Variants in DOCK3 observed in about 807,000 individuals in gnomAD.
DOCK3 encodes dedicator of cytokinesis protein 3.
DOCK3 carries 60 observed loss-of-function variants against 265.6 expected under a neutral mutation model. The observed-to-expected ratio is 0.23, with a 90% CI of 0.18 to 0.28. DOCK3 has a LOEUF of 0.28. DOCK3 is among the 10% of genes least tolerant of loss of function. The probability of loss-of-function intolerance (pLI) is 1.00; values close to 1 mark genes in which losing one functional copy is unlikely to be tolerated. For missense variants in DOCK3, 1,981 were observed against 2,594.3 expected, an observed-to-expected ratio of 0.76 and a Z score of 5.14; for synonymous variants, 881 against 938.0, an observed-to-expected ratio of 0.94 and a Z score of 1.11.
chr3:51,217,253 C>G (rs2089841027), intron 14 of DOCK3, among the ~76,000 whole-genome samples: 1 of 151,868 alleles, frequency 6.6e-6, no homozygotes, highest in African/African-American at 2.4e-5. Context: ...ACACCAGTAG[C>G]TAACATATGA....
chr3:51,296,338 AAG>A (rs2082076833), intron 27 of DOCK3, among the ~76,000 whole-genome samples: 1 of 152,226 alleles, frequency 6.6e-6, no homozygotes, highest in South Asian at 2.1e-4. Context: ...AACCTGGAAA[AAG>A]AACAAAATTG....
intron 2 of DOCK3, among the ~76,000 whole-genome samples, chr3:50,784,923 A>G (rs1446629931): frequency 6.6e-6 from 1 of 152,156 alleles, no homozygotes; most frequent in Non-Finnish European, 1.5e-5. Context: ...TTGGGAAGCC[A>G]AGGCGGGCAG....
rs201510547 is a variant in DOCK3, at chr3:51,090,183, A to C, written c.592-47A>C. The stretch of plus-strand genomic sequence containing the variant: ...TTTCCACTTTTTAATGATCAATATA[A>C]AAAATAACTAAAATAAAAATCACTG... On this transcript the variant is annotated intron_variant, in intron 8 of 52. Coordinates refer to ENST00000266037, the MANE Select transcript of DOCK3 (RefSeq NM_004947.5). The C allele has an allele frequency of 1.3e-4, 190 of 1,508,772 alleles. No homozygotes were observed. The African/African-American group carries it at 2.6e-3, about 21-fold the overall frequency. 93.5% of individuals were successfully genotyped at this position (1,508,772 alleles called of 1,614,324 possible).
At chr3:51,201,911 C>G (rs2088803241) in intron 12 of DOCK3, among the ~76,000 whole-genome samples, 1 of 152,104 alleles carries the variant, frequency 6.6e-6, no homozygotes, top group Non-Finnish European at 1.5e-5. Context: ...ACAACCTGCT[C>G]CTGAATGACT....
intron 3 of DOCK3, among the ~76,000 whole-genome samples, chr3:50,867,191 T>G (rs1468300153): frequency 6.6e-6 from 1 of 152,198 alleles, no homozygotes; most frequent in African/African-American, 2.4e-5. Context: ...GTGGTTATTG[T>G]AAAGAAAATT....
chr3:51,333,421 C>G (rs2084659848), intron 35 of DOCK3, among the ~76,000 whole-genome samples, 168 bp downstream of exon 35: 1 of 152,164 alleles, frequency 6.6e-6, no homozygotes, highest in Non-Finnish European at 1.5e-5. Context: ...CAAGGAGAGA[C>G]AGAGACTTTT....
chr3:51,268,089 A>T (rs1427566729), intron 23 of DOCK3, among the ~76,000 whole-genome samples: 1 of 152,178 alleles, frequency 6.6e-6, no homozygotes, highest in East Asian at 1.9e-4. Flanking sequence ...GTGTATACTT[A>T]TGTAACAAAC....
intron 1 of DOCK3, among the ~76,000 whole-genome samples, chr3:50,697,473 C>G (rs1004110966): frequency 6.6e-6 from 1 of 152,022 alleles, no homozygotes; most frequent in East Asian, 1.9e-4. Flanking sequence ...TGCCTGTAAT[C>G]CCAGCTACTT....
chr3:51,016,844 TATATATATC>T (rs1330008142), intron 5 of DOCK3, among the ~76,000 whole-genome samples: 1 of 20,274 alleles, frequency 4.9e-5, no homozygotes, highest in Non-Finnish European at 8.4e-5. Context: ...GATATATGTT[TATATATATC>T]ATATATAAAT....
At chr3:50,730,438 C>CG (rs2038126924) in intron 1 of DOCK3, among the ~76,000 whole-genome samples, 1 of 152,308 alleles carries the variant, frequency 6.6e-6, no homozygotes, top group East Asian at 1.9e-4. Context: ...CCGCTGTGCC[C>CG]GGCTGCACAA....
At chr3:50,745,231 A>G (rs952965986) in intron 1 of DOCK3, among the ~76,000 whole-genome samples, 2 of 151,954 alleles carry the variant, frequency 1.3e-5, no homozygotes, top group Non-Finnish European at 2.9e-5. Flanking sequence ...TTTTTAGTAA[A>G]AGTGGGGTTT....
At chr3:51,331,556 TAA>T (rs201481347) in intron 33 of DOCK3, among the ~76,000 whole-genome samples, 49 of 131,194 alleles carry the variant, frequency 3.7e-4, no homozygotes, top group Admixed American at 5.4e-4. Context: ...GTAGGTATGC[TAA>T]AAAAAAAAAA....
Position 50,786,839 on chromosome 3 carries a change from A to T in DOCK3, c.121+8081A>T, listed in dbSNP as rs955560653. ...GGTGTGTAGCTGGTAATTGTACTGA[A>T]ACCTTTCGTCACAGTTCTCGCATCT... On this transcript the variant is annotated intron_variant, in intron 2 of 52. Coordinates refer to ENST00000266037, the MANE Select transcript of DOCK3 (RefSeq NM_004947.5). The T allele has an allele frequency of 4.0e-6, 3 of 741,550 alleles. No homozygotes were observed. In the African/African-American group the frequency reaches 5.1e-5, roughly 13 times the overall value. The allele number at this position is 741,550 out of a possible 1,614,324, so 45.9% of individuals were successfully genotyped here. A position where few individuals can be genotyped will look rare whatever the true frequency, so the allele number is the denominator to read the frequency against.
chr3:50,693,525 CTTTCCTTT>C (rs2107755521), intron 1 of DOCK3, among the ~76,000 whole-genome samples: 1 of 129,782 alleles, frequency 7.7e-6, no homozygotes, highest in South Asian at 2.4e-4. Flanking sequence ...CATTAATTTC[CTTTCCTTT>C]TTTTTTTTTT....
intron 5 of DOCK3, among the ~76,000 whole-genome samples, chr3:51,019,902 T>C (rs561084445): frequency 2.0e-4 from 31 of 152,050 alleles, no homozygotes; most frequent in African/African-American, 6.5e-4. Flanking sequence ...GTTGATTCCA[T>C]GTCTTTGGTA....
intron 1 of DOCK3, among the ~76,000 whole-genome samples, chr3:50,759,669 T>G (rs1206533833): frequency 2.6e-5 from 2 of 78,414 alleles, no homozygotes; most frequent in Admixed American, 2.3e-4. Flanking sequence ...AGACCCCGTC[T>G]CTAAAAAAAA....
intron 2 of DOCK3, among the ~76,000 whole-genome samples, chr3:50,831,708 A>G (rs2045187124): frequency 6.6e-6 from 1 of 152,188 alleles, no homozygotes; most frequent in South Asian, 2.1e-4. Flanking sequence ...ATGCATCTTT[A>G]TAGTAGAATG....
At chr3:50,819,668 A>AATT (rs2044290273) in intron 2 of DOCK3, among the ~76,000 whole-genome samples, 1 of 152,242 alleles carries the variant, frequency 6.6e-6, no homozygotes, top group Non-Finnish European at 1.5e-5. Flanking sequence ...ACAGTTTATA[A>AATT]AGGCCATGGT....
At chr3:50,860,282 C>T (rs151093104) in intron 3 of DOCK3, among the ~76,000 whole-genome samples, 1 of 152,306 alleles carries the variant, frequency 6.6e-6, no homozygotes, top group Admixed American at 6.5e-5. Context: ...AGGAAGGGCA[C>T]TTCCATTGCA....
Sources: allele counts gnomAD v4.1 joint callset (sites outside exome capture counted in the v4.1 genomes callset), GRCh38; gene constraint gnomAD v4.1.1; transcripts MANE v1.5; gene names NCBI Gene and HGNC (gene_info 2026-07-23, HGNC 2026-07-21).